The following DPP10 variants were observed in gnomAD, a reference collection of about 807,000 sequenced individuals.
DPP10 encodes inactive dipeptidyl peptidase 10.
A neutral mutation model predicts 120.9 loss-of-function variants in DPP10; 33 were observed. The ratio of observed to expected loss-of-function variants is 0.27; its 90% CI spans 0.21 to 0.37. The LOEUF (loss-of-function observed/expected upper bound fraction) is 0.37, where lower values mean the gene tolerates loss of function less well. Among genes scored for constraint, DPP10 ranks in the 10% least tolerant of loss-of-function variants. The pLI is 1.00. For missense variants in DPP10, 816 were observed against 942.8 expected, an observed-to-expected ratio of 0.87 and a Z score of 1.76; for synonymous variants, 337 against 326.1, an observed-to-expected ratio of 1.03 and a Z score of -0.36.
intron 2 of DPP10, chr2:115,342,264 TGGTGC>T (rs2063487201): frequency 2.6e-6 from 1 of 387,494 alleles, no homozygotes; most frequent in African/African-American, 2.1e-5. Flanking sequence ...AGTGGTGCAG[TGGTGC>T]GATCTCAGCT....
At chr2:114,842,925 G>A (rs1417185558) in intron 1 of DPP10, among the ~76,000 whole-genome samples, 4 of 152,032 alleles carry the variant, frequency 2.6e-5, no homozygotes, top group Non-Finnish European at 5.9e-5. Context: ...TTGAGCAAGG[G>A]ACAGGAGAGA....
At chr2:115,031,629 TTC>T (rs1352991272) in intron 1 of DPP10, among the ~76,000 whole-genome samples, 2 of 152,184 alleles carry the variant, frequency 1.3e-5, no homozygotes, top group East Asian at 3.9e-4. Context: ...TAAGGAATTT[TTC>T]TGTTTATCCT....
chr2:115,773,805 T>C (rs1288796889), intron 13 of DPP10, among the ~76,000 whole-genome samples: 1 of 152,098 alleles, frequency 6.6e-6, no homozygotes, highest in Non-Finnish European at 1.5e-5. Context: ...TGTTCAGTCA[T>C]CTACCATATT....
At chr2:115,757,444 G>A (rs1467274517) in intron 11 of DPP10, among the ~76,000 whole-genome samples, 1 of 152,086 alleles carries the variant, frequency 6.6e-6, no homozygotes, top group East Asian at 1.9e-4. Context: ...GTGGGTGGCA[G>A]GAGGCAAAGA....
intron 1 of DPP10, among the ~76,000 whole-genome samples, chr2:115,166,524 AATAT>A (rs561639756): frequency 7.0e-5 from 10 of 142,138 alleles, no homozygotes; most frequent in Admixed American, 2.8e-4. Flanking sequence ...TTATAATATA[AATAT>A]ATATATAAAT....
chr2:115,430,832 C>T (rs1199529986), intron 3 of DPP10, among the ~76,000 whole-genome samples: 4 of 152,030 alleles, frequency 2.6e-5, no homozygotes, highest in African/African-American at 4.8e-5. Flanking sequence ...ACTGCTCACT[C>T]GACTCCTACA....
intron 5 of DPP10, among the ~76,000 whole-genome samples, chr2:115,667,649 G>T (rs543296272): frequency 8.2e-4 from 125 of 151,918 alleles, no homozygotes; most frequent in Non-Finnish European, 1.6e-3. Context: ...GATTATAGTT[G>T]TGCAGCTTTA....
intron 1 of DPP10, among the ~76,000 whole-genome samples, chr2:115,057,578 A>G (rs1169373741): frequency 6.6e-6 from 1 of 152,190 alleles, no homozygotes; most frequent in Non-Finnish European, 1.5e-5. Flanking sequence ...TTTTTATGGA[A>G]AGGACAGAAG....
At chr2:115,804,463 G>A (rs879889328) in intron 19 of DPP10, among the ~76,000 whole-genome samples, 27 of 152,162 alleles carry the variant, frequency 1.8e-4, no homozygotes, top group Non-Finnish European at 2.5e-4. Flanking sequence ...GCTTCGTTCC[G>A]TTGCTGGTGA....
chr2:114,829,246 A>C (rs1236148038), intron 1 of DPP10, among the ~76,000 whole-genome samples: 1 of 151,982 alleles, frequency 6.6e-6, no homozygotes, highest in South Asian at 2.1e-4. Context: ...GCCAAGATCG[A>C]GCCACTGCAC....
At chr2:114,962,814 G>T (rs745867261) in intron 1 of DPP10, among the ~76,000 whole-genome samples, 21 of 152,052 alleles carry the variant, frequency 1.4e-4, no homozygotes, top group Non-Finnish European at 2.5e-4. Context: ...TAAATCACTT[G>T]GTTTTCTCCA....
At chr2:115,823,750 T>C (rs979556165) in intron 21 of DPP10, among the ~76,000 whole-genome samples, 1 of 152,228 alleles carries the variant, frequency 6.6e-6, no homozygotes, top group Non-Finnish European at 1.5e-5. Flanking sequence ...AAGTGGAGTA[T>C]CTGTTTCACT....
intron 1 of DPP10, among the ~76,000 whole-genome samples, chr2:115,099,936 A>ATG (rs976669556): frequency 3.9e-5 from 6 of 152,320 alleles, no homozygotes; most frequent in Middle Eastern, 3.4e-3. Context: ...TATGACATAA[A>ATG]TGTTGATGTA....
intron 1 of DPP10, among the ~76,000 whole-genome samples, chr2:115,003,098 C>T (rs1701553945): frequency 6.7e-6 from 1 of 149,708 alleles, no homozygotes; most frequent in African/African-American, 2.5e-5. Context: ...ATAGCAAAGA[C>T]ATGAGCTCAA....
At chr2:114,870,328 C>T (rs918844231) in intron 1 of DPP10, among the ~76,000 whole-genome samples, 1 of 152,006 alleles carries the variant, frequency 6.6e-6, no homozygotes, top group African/African-American at 2.4e-5. Context: ...GCATATAAAA[C>T]ATTGAATACA....
At chr2:115,300,225 A>G (rs1215467733) in intron 1 of DPP10, among the ~76,000 whole-genome samples, 2 of 151,600 alleles carry the variant, frequency 1.3e-5, no homozygotes. Flanking sequence ...ATAACTTCCC[A>G]TTTTTTCCTC....
rs367621634 is a variant in DPP10 at position 115,406,134 on chromosome 2, G to GGCA, written c.271+62228_271+62230dup. On this transcript the variant is annotated intron_variant, in intron 3 of 25. Coordinates refer to ENST00000410059, the MANE Select transcript of DPP10 (RefSeq NM_020868.6). ...GTTCACTAGCAGTTAGAAGTAACCA[G>GGCA]GCAGCAGCCTGAACATTTGCTGCTT... Among the ~76,000 whole-genome samples the GGCA allele has an allele frequency of 5.3e-5, 8 of 152,334 alleles. No homozygotes were observed. In the East Asian group the frequency reaches 1.5e-3, roughly 29 times the overall value.
At chr2:115,149,438 T>A (rs1452136374) in intron 1 of DPP10, among the ~76,000 whole-genome samples, 1 of 152,232 alleles carries the variant, frequency 6.6e-6, no homozygotes, top group Non-Finnish European at 1.5e-5. Flanking sequence ...TGGTTCCCTA[T>A]CATCCTCATC....
chr2:115,807,725 G>C (rs1013640253), intron 19 of DPP10, among the ~76,000 whole-genome samples: 7 of 151,656 alleles, frequency 4.6e-5, no homozygotes, highest in African/African-American at 1.5e-4. Flanking sequence ...TAGGAGGAAG[G>C]CTAGGGGAGA....
Sources: allele counts gnomAD v4.1 joint callset (sites outside exome capture counted in the v4.1 genomes callset), GRCh38; gene constraint gnomAD v4.1.1; transcripts MANE v1.5; gene names NCBI Gene and HGNC (gene_info 2026-07-23, HGNC 2026-07-21).